The following KIRREL3 variants were observed in gnomAD, a reference collection of about 807,000 sequenced individuals.
KIRREL3 encodes the protein kin of IRRE-like protein 3.
A neutral mutation model predicts 89.7 loss-of-function variants in KIRREL3; 36 were observed. That is an observed-to-expected ratio of 0.40 (90% CI 0.31 to 0.53). The LOEUF (loss-of-function observed/expected upper bound fraction) is 0.53, where lower values mean the gene tolerates loss of function less well. KIRREL3 is among the 20% of genes least tolerant of loss of function. KIRREL3 has a pLI of 0.49. For missense variants in KIRREL3, 864 were observed against 1,056.6 expected, an observed-to-expected ratio of 0.82 and a Z score of 2.53; for synonymous variants, 445 against 441.4, an observed-to-expected ratio of 1.01 and a Z score of -0.10.
At chr11:126,451,366 CTATGTG>C (rs1430494307) in intron 7 of KIRREL3, among the ~76,000 whole-genome samples, 4 of 107,624 alleles carry the variant, frequency 3.7e-5, no homozygotes, top group Admixed American at 2.7e-4. Flanking sequence ...GTGAGTGTGA[CTATGTG>C]TGAGCGTGTG....
rs531848910 is a variant in KIRREL3, at chr11:126,519,833, C to T, written c.433+1482G>A. ...CCCCACACCACATGGCAGACTCATT[C>T]TCATTTTAGTCACCGTCTTGGGAGA... On this transcript the variant is annotated intron_variant, in intron 4 of 16. Coordinates refer to ENST00000525144, the MANE Select transcript of KIRREL3 (RefSeq NM_032531.4). This position sits in a 1 kb window ranked among gnomAD's most constrained non-coding sequence, Gnocchi z 4.3. Among the ~76,000 whole-genome samples, 129 of 152,218 alleles carry T rather than the reference C, an allele frequency of 8.5e-4. No homozygotes were observed. Among genetic ancestry groups the T allele is most frequent in the Non-Finnish European group, 1.6e-3 (109 of 68,050 alleles).
intron 2 of KIRREL3, among the ~76,000 whole-genome samples, chr11:126,539,624 A>C (rs1428312376): frequency 6.6e-6 from 1 of 152,208 alleles, no homozygotes; most frequent in Non-Finnish European, 1.5e-5. Flanking sequence ...GAAAGTGTGA[A>C]TGGATGATGG....
At chr11:126,545,531 A>G (rs508971) in intron 2 of KIRREL3, among the ~76,000 whole-genome samples, 133,766 of 151,994 alleles carry the variant, frequency 0.88, 59,195 homozygotes, top group East Asian at 1. Context: ...AGCACTTTGG[A>G]AGGCCATTGA....
rs1950230828 is a variant in KIRREL3 at position 126,778,375 on chromosome 11, G to A, written c.56-215463C>T. On this transcript the variant is annotated intron_variant, in intron 1 of 16. Transcript: ENST00000525144. This position sits in a 1 kb window ranked among gnomAD's most constrained non-coding sequence, Gnocchi z 4.5. ...TTTATGGAGACTGCATCTTTGAAGA[G>A]GGGCTAAATCAGTGGGAACATCTTT... Among the ~76,000 whole-genome samples, 1 of 152,166 alleles carries A rather than the reference G, an allele frequency of 6.6e-6. No individual in the cohort carries two copies. The highest frequency in any genetic ancestry group is 1.5e-5 in the Non-Finnish European group (1 of 68,026).
At chr11:126,821,951 G>A (rs952077837) in intron 1 of KIRREL3, among the ~76,000 whole-genome samples, 7 of 152,182 alleles carry the variant, frequency 4.6e-5, no homozygotes, top group African/African-American at 1.7e-4. Flanking sequence ...TTTAATTCCA[G>A]TGAAATGCAT....
chr11:126,634,696 G>A (rs756518958), intron 1 of KIRREL3, among the ~76,000 whole-genome samples: 4 of 152,170 alleles, frequency 2.6e-5, no homozygotes, highest in Non-Finnish European at 4.4e-5. Flanking sequence ...AGAGTGCATC[G>A]GGTGGAATGC....
chr11:126,749,382 C>T (rs540743499), intron 1 of KIRREL3, among the ~76,000 whole-genome samples: 7 of 152,170 alleles, frequency 4.6e-5, no homozygotes, highest in Admixed American at 1.3e-4. Flanking sequence ...TTCTAAATTG[C>T]TCCGACTTGC....
intron 1 of KIRREL3, among the ~76,000 whole-genome samples, chr11:126,984,969 C>G (rs1171108059): frequency 6.6e-6 from 1 of 152,138 alleles, no homozygotes; most frequent in African/African-American, 2.4e-5. Flanking sequence ...CTTAAAATAA[C>G]CTGGCCTTAT....
At chr11:126,675,805 T>A (rs1038240427) in intron 1 of KIRREL3, among the ~76,000 whole-genome samples, 12 of 152,170 alleles carry the variant, frequency 7.9e-5, no homozygotes, top group Admixed American at 5.2e-4. Context: ...AGGGAAATGA[T>A]CACTTCAGCA....
At chr11:126,593,676 G>A (rs573946) in intron 1 of KIRREL3, among the ~76,000 whole-genome samples, 116,707 of 152,210 alleles carry the variant, frequency 0.77, 44,825 homozygotes, top group South Asian at 0.8. Context: ...ACGGAGTGGA[G>A]TTAATTGCAG....
At chr11:126,646,595 C>T (rs1439558064) in intron 1 of KIRREL3, among the ~76,000 whole-genome samples, 8 of 151,802 alleles carry the variant, frequency 5.3e-5, no homozygotes, top group Admixed American at 5.3e-4. Context: ...CTGCTTCAGC[C>T]TCCTGAGTAG....
In KIRREL3 at chr11:126,981,563, T is replaced by C. The variant is rs1007444281; in HGVS notation, c.55+18892A>G. 2.0e-5 allele frequency among the ~76,000 whole-genome samples: 3 copies of C among 152,240 alleles called. No homozygotes were observed. The highest frequency in any genetic ancestry group is 4.8e-5 in the African/African-American group (2 of 41,468). ...GATCTGCCTCTACCACCCGACTCTA[T>C]GAAGCAAAGGCAAGGAGGTATTTCT... On this transcript the variant is annotated intron_variant, in intron 1 of 16. Transcript: ENST00000525144. This position sits in a 1 kb window ranked among gnomAD's most constrained non-coding sequence, Gnocchi z 4.2.
chr11:126,775,991 C>G (rs1457900002), intron 1 of KIRREL3, among the ~76,000 whole-genome samples: 3 of 152,182 alleles, frequency 2.0e-5, no homozygotes, highest in Non-Finnish European at 4.4e-5. Context: ...GTACTTTCTG[C>G]AAGCTGGGGC....
At chr11:126,480,886 A>T (rs780077536) in intron 4 of KIRREL3, among the ~76,000 whole-genome samples, 1 of 152,212 alleles carries the variant, frequency 6.6e-6, no homozygotes, top group African/African-American at 2.4e-5. Flanking sequence ...GTGTAATCCC[A>T]GCTTCCGGTT....
rs1044334953 is a variant in KIRREL3 at position 126,490,586 on chromosome 11, C to T, written c.434-17120G>A. Among the ~76,000 whole-genome samples the T allele has an allele frequency of 6.6e-6, 1 of 152,160 alleles. No homozygotes were observed. Among genetic ancestry groups the T allele is most frequent in the African/African-American group, 2.4e-5 (1 of 41,416 alleles). On this transcript the variant is annotated intron_variant, in intron 4 of 16. Transcript: ENST00000525144. This position sits in a 1 kb window ranked among gnomAD's most constrained non-coding sequence, Gnocchi z 4.2. Reference sequence around the variant, plus strand: ...CTCCTGGACTCCCGGTTCCAGGCTGCATGGCCTTGGATACGTTAATTAGTT... The same window carrying T: ...CTCCTGGACTCCCGGTTCCAGGCTGTATGGCCTTGGATACGTTAATTAGTT...
At chr11:126,794,562 G>A (rs1950745128) in intron 1 of KIRREL3, among the ~76,000 whole-genome samples, 1 of 152,200 alleles carries the variant, frequency 6.6e-6, no homozygotes, top group South Asian at 2.1e-4. Flanking sequence ...ATATTGATTT[G>A]TATTACAAAA....
rs1955100570 is a variant in KIRREL3 at position 126,430,784 on chromosome 11, G to A, written c.1696+635C>T. Among the ~76,000 whole-genome samples, 1 of 152,158 alleles carries A rather than the reference G, an allele frequency of 6.6e-6. No individual in the cohort carries two copies. The highest frequency in any genetic ancestry group is 6.5e-5 in the Admixed American group (1 of 15,290). ...CTGGAATAACTGTGGCTGGCCCAGG[G>A]TCATGTGGCAGAAGAGGTGGGACTG... On this transcript the variant is annotated intron_variant, in intron 14 of 16. Coordinates refer to ENST00000525144, the MANE Select transcript of KIRREL3 (RefSeq NM_032531.4). The surrounding 1 kb of genome is among the most constrained non-coding windows in gnomAD (Gnocchi z 6.6).
At chr11:126,671,004 G>A (rs1188511610) in intron 1 of KIRREL3, among the ~76,000 whole-genome samples, 1 of 152,200 alleles carries the variant, frequency 6.6e-6, no homozygotes, top group African/African-American at 2.4e-5. Context: ...GAACAGGATA[G>A]AGAGCCCAGA....
chr11:126,714,732 C>T (rs763290473), intron 1 of KIRREL3, among the ~76,000 whole-genome samples: 2 of 152,090 alleles, frequency 1.3e-5, no homozygotes, highest in Admixed American at 6.5e-5. Context: ...CCTTCCTTTC[C>T]TACTCACTTC....
Sources: allele counts gnomAD v4.1 joint callset (sites outside exome capture counted in the v4.1 genomes callset), GRCh38; gene constraint gnomAD v4.1.1; non-coding constraint Gnocchi (gnomAD v3.1); transcripts MANE v1.5; gene names NCBI Gene and HGNC (gene_info 2026-07-23, HGNC 2026-07-21).